SIRT7: variants seen among roughly 807,000 people sequenced by gnomAD.
SIRT7 encodes the protein sirtuin 7, also known as NAD-dependent protein deacetylase sirtuin-7.
In SIRT7, 32 loss-of-function variants were observed where a neutral mutation model predicts 42.8. The ratio of observed to expected loss-of-function variants is 0.75; its 90% CI spans 0.56 to 1.00. The LOEUF (loss-of-function observed/expected upper bound fraction) is 1.00. Ranked by LOEUF, SIRT7 falls within the 50% of genes least tolerant of loss-of-function variation. The pLI is 0.00. For synonymous variants in SIRT7, 297 were observed against 245.2 expected, an observed-to-expected ratio of 1.21 and a Z score of -1.97; for missense variants, 553 against 572.2, an observed-to-expected ratio of 0.97 and a Z score of 0.34.
chr17:81,913,539 A>C lies in SIRT7; in HGVS notation c.1004+235T>G. 1.9e-6 allele frequency: 1 copy of C among 522,794 alleles called. No individual in the cohort carries two copies. Among genetic ancestry groups the C allele is most frequent in the East Asian group, 3.5e-5 (1 of 28,916 alleles). 32.4% of individuals were successfully genotyped at this position (522,794 alleles called of 1,614,324 possible). The stretch of plus-strand genomic sequence containing the variant: ...CCTGGAGCAGGAGCACGCGGGCAGA[A>C]TCCCTCTCCCCGCGGGGATTGTGTG... On this transcript the variant is annotated intron_variant, in intron 9 of 9. Coordinates refer to ENST00000328666, the MANE Select transcript of SIRT7 (RefSeq NM_016538.3). This position sits in a 1 kb window ranked among gnomAD's most constrained non-coding sequence, Gnocchi z 5.0.
chr17:81,915,125 G>A (rs1394181223), intron 5 of SIRT7: 2 of 514,202 alleles, frequency 3.9e-6, no homozygotes, highest in Non-Finnish European at 7.1e-6. Flanking sequence ...CCCCAGAGAT[G>A]TCCTATAAGC....
At position 81,913,730 on chromosome 17, in the gene SIRT7, A is replaced by G. The variant is rs546240540; in HGVS notation, c.1004+44T>C. The stretch of plus-strand genomic sequence containing the variant: ...CGAGAGAAGACAGACAAGGCCCAGC[A>G]CACAGAGGTGCGGGGAAGCAGGCTG... On this transcript the variant is annotated intron_variant, in intron 9 of 9. Coordinates refer to ENST00000328666, the MANE Select transcript of SIRT7 (RefSeq NM_016538.3). This position sits in a 1 kb window ranked among gnomAD's most constrained non-coding sequence, Gnocchi z 5.0. 12 of 1,485,002 alleles carry G rather than the reference A, an allele frequency of 8.1e-6. No individual in the cohort carries two copies. The Admixed American group carries it at 2.0e-4, about 24-fold the overall frequency. 92.0% of individuals were successfully genotyped at this position (1,485,002 alleles called of 1,614,324 possible).
At chr17:81,917,515 C>A in intron 3 of SIRT7, 100 bp downstream of exon 3, 1 of 1,075,030 alleles carries the variant, frequency 9.3e-7, no homozygotes, top group Non-Finnish European at 1.3e-6. Context: ...CATTTCGTTT[C>A]TTTAAGAGAA....
At position 81,917,610 on chromosome 17, in the gene SIRT7, C is replaced by A; in HGVS notation, c.336+5G>T. On this transcript the variant is annotated splice_donor_5th_base_variant and intron_variant, in intron 3 of 9. Coordinates refer to ENST00000328666, the MANE Select transcript of SIRT7 (RefSeq NM_016538.3). Reference sequence around the variant, plus strand: ...CCTGGGGTACGCCTCCGCCTCCCTCCCTACCGTGCTGATTCCCGCGCCTGT... The same window carrying A: ...CCTGGGGTACGCCTCCGCCTCCCTCACTACCGTGCTGATTCCCGCGCCTGT... The A allele has an allele frequency of 6.3e-7, 1 of 1,597,058 alleles. No homozygotes were observed. The highest frequency in any genetic ancestry group is 8.5e-7 in the Non-Finnish European group (1 of 1,170,614).
At position 81,913,088 on chromosome 17, in the gene SIRT7, C is replaced by A; in HGVS notation, c.1005-474G>T. 2.8e-6 allele frequency: 1 copy of A among 351,962 alleles called. No individual in the cohort carries two copies. The highest frequency in any genetic ancestry group is 2.2e-5 in the African/African-American group (1 of 46,510). The allele number at this position is 351,962 out of a possible 1,614,324, so 21.8% of individuals were successfully genotyped here. A position where few individuals can be genotyped will look rare whatever the true frequency, so the allele number is the denominator to read the frequency against. On this transcript the variant is annotated intron_variant, in intron 9 of 9. Coordinates refer to ENST00000328666, the MANE Select transcript of SIRT7 (RefSeq NM_016538.3). The surrounding 1 kb of genome is among the most constrained non-coding windows in gnomAD (Gnocchi z 5.0). Reference sequence around the variant, plus strand: ...GCATGTGTCTGACGGAGATGCAGAACCACAGATCATAACTTAAGATACAGA... The same window carrying A: ...GCATGTGTCTGACGGAGATGCAGAAACACAGATCATAACTTAAGATACAGA...
intron 3 of SIRT7, chr17:81,915,992 C>T (rs2040790160): frequency 2.5e-6 from 1 of 407,716 alleles, no homozygotes; most frequent in South Asian, 2.1e-5. Flanking sequence ...CACATGTGTC[C>T]TCCACACTGC....
chr17:81,912,180 C>T lies in SIRT7; in HGVS notation c.*236G>A, dbSNP rs2040676205. On this transcript the variant is annotated 3_prime_UTR_variant, in exon 10 of 10. Coordinates refer to ENST00000328666, the MANE Select transcript of SIRT7 (RefSeq NM_016538.3). ...CGAGTTCCGTTCTCACAGAAAGGTG[C>T]GGCTGCCACCTCTTGACACAGAGGC... The T allele has an allele frequency of 1.0e-5, 6 of 581,388 alleles. No individual in the cohort carries two copies. The South Asian group carries it at 1.2e-4, about 12-fold the overall frequency. The allele number at this position is 581,388 out of a possible 1,614,324, so 36.0% of individuals were successfully genotyped here.
At position 81,915,652 on chromosome 17, in the gene SIRT7, A is replaced by C. The variant is rs747154400; in HGVS notation, c.366T>G (p.Pro122=). Residue 122 remains proline (P), a synonymous_variant, in exon 4 of 10, where the codon CCT becomes CCG. Transcript: ENST00000328666. ...TAASIPDYRG[P]NGVWTLLQKG... ...TCTGAAGCAGTGTCCACACTCCATT[A>C]GGGCCCCGGTAGTCTGGGATAGACG... The C allele has an allele frequency of 6.2e-7, 1 of 1,613,932 alleles. No individual in the cohort carries two copies. The highest frequency in any genetic ancestry group is 8.5e-7 in the Non-Finnish European group (1 of 1,180,010).
chr17:81,914,163 A>G lies in SIRT7; in HGVS notation c.821T>C (p.Leu274Pro), dbSNP rs1046822869. Reference sequence around the variant, plus strand: ...GCACCAGAGGCGTGGGTACTTCTTTAGAACCTGTGGAAGCAGACAGACAGA... The same window carrying G: ...GCACCAGAGGCGTGGGTACTTCTTTGGAACCTGTGGAAGCAGACAGACAGA... ...ILCLGSSLKV[L>P]KKYPRLWCMT... Residue 274 changes from leucine to proline, a missense_variant, in exon 8 of 10, where the codon CTA becomes CCA. By Grantham distance (98) the Leu-to-Pro change is moderately conservative. Coordinates refer to ENST00000328666, the MANE Select transcript of SIRT7 (RefSeq NM_016538.3). The G allele has an allele frequency of 9.9e-6, 16 of 1,613,510 alleles. No individual in the cohort carries two copies. The highest frequency in any genetic ancestry group is 3.3e-5 in the Admixed American group (2 of 60,004).
chr17:81,914,828 C>A (rs1245726818), intron 5 of SIRT7, 126 bp from the exon 6 acceptor site: 5 of 727,506 alleles, frequency 6.9e-6, no homozygotes, highest in Non-Finnish European at 1.2e-5. Context: ...GCAGCTCCGT[C>A]CCCCCAGAGA....
chr17:81,912,741 G>A (rs964375564), intron 9 of SIRT7, 127 bp from the exon 10 acceptor site: 6 of 1,037,260 alleles, frequency 5.8e-6, no homozygotes, highest in Middle Eastern at 2.9e-4. Flanking sequence ...CAACTGCGGC[G>A]GGGCTCTGGT....
chr17:81,914,379 G>A lies in SIRT7; in HGVS notation c.731C>T (p.Thr244Met), dbSNP rs201609013. ...DTIVHFGERG[T>M]LGQPLNWEAA... ...TTCCCAGTTCAAAGGCTGCCCCAAC[G>A]TCCCCCTCTCCCCAAAGTGCACAAT... The change falls in exon 7 of 10, where the codon ACG becomes ATG. Residue 244 changes from threonine to methionine, a missense_variant. Coordinates refer to ENST00000328666, the MANE Select transcript of SIRT7 (RefSeq NM_016538.3). 1.2e-5 allele frequency: 20 copies of A among 1,612,862 alleles called. No individual in the cohort carries two copies. Among genetic ancestry groups the A allele is most frequent in the South Asian group, 2.2e-5 (2 of 91,082 alleles).
In SIRT7 at chr17:81,912,176, G is replaced by A. The variant is rs1598338154; in HGVS notation, c.*240C>T. 1.0e-5 allele frequency: 6 copies of A among 577,792 alleles called. No individual in the cohort carries two copies. Among genetic ancestry groups the A allele is most frequent in the South Asian group, 1.0e-4 (5 of 50,046 alleles). The allele number at this position is 577,792 out of a possible 1,614,324, so 35.8% of individuals were successfully genotyped here. A position where few individuals can be genotyped will look rare whatever the true frequency, so the allele number is the denominator to read the frequency against. On this transcript the variant is annotated 3_prime_UTR_variant, in exon 10 of 10. Coordinates refer to ENST00000328666, the MANE Select transcript of SIRT7 (RefSeq NM_016538.3). Reference sequence around the variant, plus strand: ...AACCCGAGTTCCGTTCTCACAGAAAGGTGCGGCTGCCACCTCTTGACACAG... The same window carrying A: ...AACCCGAGTTCCGTTCTCACAGAAAAGTGCGGCTGCCACCTCTTGACACAG...
chr17:81,914,827 T>TC (rs958779724), intron 5 of SIRT7, 125 bp from the exon 6 acceptor site: 17 of 733,756 alleles, frequency 2.3e-5, no homozygotes, highest in Non-Finnish European at 3.5e-5. Flanking sequence ...GGCAGCTCCG[T>TC]CCCCCCAGAG....
rs749915568 is a variant in SIRT7, at chr17:81,914,147, G to A, written c.837C>T (p.Arg279=). 33 of 1,613,540 alleles carry A rather than the reference G, an allele frequency of 2.0e-5. No individual in the cohort carries two copies. Among genetic ancestry groups the A allele is most frequent in the South Asian group, 1.1e-5 (1 of 91,088 alleles). The part of the protein sequence containing the change: ...SSLKVLKKYP[R]LWCMTKPPSR... The stretch of plus-strand genomic sequence containing the variant: ...TAGGGGGCTTGGTCATGCACCAGAG[G>A]CGTGGGTACTTCTTTAGAACCTGTG... Residue 279 remains arginine (R), a synonymous_variant, in exon 8 of 10, where the codon CGC becomes CGT. Coordinates refer to ENST00000328666, the MANE Select transcript of SIRT7 (RefSeq NM_016538.3).
At position 81,912,211 on chromosome 17, in the gene SIRT7, G is replaced by GGGCAGGTGTCCTCGATGGCCA. The variant is rs1483629412; in HGVS notation, c.*184_*204dup. The GGGCAGGTGTCCTCGATGGCCA allele has an allele frequency of 6.4e-6, 4 of 628,234 alleles. No homozygotes were observed. In the African/African-American group the frequency reaches 7.3e-5, roughly 12 times the overall value. 38.9% of individuals were successfully genotyped at this position (628,234 alleles called of 1,614,324 possible). ...CCACCTCTTGACACAGAGGCCGGAT[G>GGGCAGGTGTCCTCGATGGCCA]GGCAGGTGTCCTCGATGGCCAGGCC... On this transcript the variant is annotated 3_prime_UTR_variant, in exon 10 of 10. Coordinates refer to ENST00000328666, the MANE Select transcript of SIRT7 (RefSeq NM_016538.3).
intron 5 of SIRT7, chr17:81,914,968 C>T (rs889323224): frequency 1.8e-6 from 1 of 543,646 alleles, no homozygotes; most frequent in African/African-American, 1.9e-5. Flanking sequence ...TTGCACCGTC[C>T]CGGCAAGGTT....
intron 9 of SIRT7, chr17:81,912,969 CT>C (rs1231350938): frequency 2.5e-6 from 1 of 395,264 alleles, no homozygotes; most frequent in Admixed American, 4.0e-5. Context: ...TGGGCCCCAC[CT>C]TCCACTTGTA....
Position 81,912,137 on chromosome 17 carries a change from G to T in SIRT7, c.*279C>A, listed in dbSNP as rs767170877. On this transcript the variant is annotated 3_prime_UTR_variant, in exon 10 of 10. Coordinates refer to ENST00000328666, the MANE Select transcript of SIRT7 (RefSeq NM_016538.3). ...GCCGCTGGGCGCTTCCACTCTGCAG[G>T]CCGGGGCTGAAATAACCCGAGTTCC... 4 of 506,398 alleles carry T rather than the reference G, an allele frequency of 7.9e-6. No individual in the cohort carries two copies. Among genetic ancestry groups the T allele is most frequent in the Non-Finnish European group, 1.1e-5 (3 of 280,278 alleles). 31.4% of individuals were successfully genotyped at this position (506,398 alleles called of 1,614,324 possible).
Sources: gnomAD v4.1 joint callset for allele counts on GRCh38, gnomAD v4.1.1 for gene constraint, Gnocchi (gnomAD v3.1) non-coding constraint, MANE v1.5 for transcripts, NCBI Gene and HGNC (gene_info 2026-07-23, HGNC 2026-07-21) for gene names.